Variants in TMED3 observed in about 807,000 individuals in gnomAD.
TMED3 encodes the protein transmembrane p24 trafficking protein 3, also known as transmembrane emp24 domain-containing protein 3.
In TMED3, 9 loss-of-function variants were observed where a neutral mutation model predicts 15.0. The ratio of observed to expected loss-of-function variants is 0.60; its 90% CI spans 0.36 to 1.04. The LOEUF (loss-of-function observed/expected upper bound fraction) is 1.04. TMED3 is among the 50% of genes least tolerant of loss of function. The probability of loss-of-function intolerance (pLI) is 0.01; values close to 1 mark genes in which losing one functional copy is unlikely to be tolerated. For synonymous variants in TMED3, 117 were observed against 121.4 expected, an observed-to-expected ratio of 0.96 and a Z score of 0.24; for missense variants, 267 against 278.9, an observed-to-expected ratio of 0.96 and a Z score of 0.30.
Position 79,313,966 on chromosome 15 carries a change from T to G in TMED3, c.378T>G (p.Ile126Met). 1 of 1,614,114 alleles carries G rather than the reference T, an allele frequency of 6.2e-7. No individual in the cohort carries two copies. The highest frequency in any genetic ancestry group is 8.5e-7 in the Non-Finnish European group (1 of 1,179,996). Residue 126 changes from isoleucine to methionine, a missense_variant, in exon 2 of 3, where the codon ATT becomes ATG. This residue lies in a region of TMED3 where 139 missense variants were observed against 125.0 expected (regional missense o/e 1.11). Coordinates refer to ENST00000299705, the MANE Select transcript of TMED3 (RefSeq NM_007364.4). ...FDFQVGDEPP[I>M]LPDMGNRVTA... The stretch of plus-strand genomic sequence containing the variant: ...TTCAAGTGGGCGATGAGCCTCCCAT[T>G]CTCCCAGACATGGGGAACAGGGTCA...
intron 2 of TMED3, among the ~76,000 whole-genome samples, chr15:79,332,400 A>C (rs548019787): frequency 6.6e-6 from 1 of 152,360 alleles, no homozygotes; most frequent in East Asian, 1.9e-4. Flanking sequence ...GCCAATGCGA[A>C]ACTCTTCAGC....
At chr15:79,383,094 T>G in intron 2 of TMED3, 1 of 1,458,924 alleles carries the variant, frequency 6.9e-7, no homozygotes, top group Non-Finnish European at 9.3e-7. Flanking sequence ...GCTCTTTGCC[T>G]GTAGATCGCC....
chr15:79,376,691 C>T (rs1472830201), intron 2 of TMED3, among the ~76,000 whole-genome samples: 1 of 152,196 alleles, frequency 6.6e-6, no homozygotes, highest in Non-Finnish European at 1.5e-5. Flanking sequence ...TTGGCAGTCT[C>T]ACTGAATTGT....
intron 2 of TMED3, among the ~76,000 whole-genome samples, chr15:79,350,211 T>G (rs2058886622): frequency 6.6e-6 from 1 of 152,138 alleles, no homozygotes; most frequent in Admixed American, 6.5e-5. Flanking sequence ...GCTGGACGGT[T>G]AGATGGATTA....
intron 2 of TMED3, among the ~76,000 whole-genome samples, chr15:79,336,712 A>G (rs2058828363): frequency 7.9e-6 from 1 of 127,254 alleles, no homozygotes; most frequent in Admixed American, 7.9e-5. Flanking sequence ...CAAACAAACA[A>G]ACACAAAAAA....
chr15:79,369,303 A>G (rs1185331801), intron 2 of TMED3, among the ~76,000 whole-genome samples: 3 of 151,926 alleles, frequency 2.0e-5, no homozygotes, highest in Non-Finnish European at 4.4e-5. Context: ...CATGCCTGCT[A>G]CTCTCTCCTA....
intron 2 of TMED3, among the ~76,000 whole-genome samples, chr15:79,343,140 G>T (rs2058857402): frequency 6.6e-6 from 1 of 152,118 alleles, no homozygotes; most frequent in Non-Finnish European, 1.5e-5. Flanking sequence ...GGGTATAGTG[G>T]TTAAAAAGTG....
intron 2 of TMED3, among the ~76,000 whole-genome samples, chr15:79,367,341 A>C (rs1401804402): frequency 6.6e-6 from 1 of 152,204 alleles, no homozygotes; most frequent in Middle Eastern, 3.2e-3. Flanking sequence ...AGGACCAGCG[A>C]TCCACACTGG....
intron 2 of TMED3, among the ~76,000 whole-genome samples, chr15:79,344,632 G>A (rs1421091598): frequency 6.6e-6 from 1 of 152,144 alleles, no homozygotes; most frequent in Non-Finnish European, 1.5e-5. Context: ...AATTACATCT[G>A]CAGAAAACCC....
chr15:79,313,696 G>C (rs1385385830), intron 1 of TMED3, 61 bp from the exon 2 acceptor site: 14 of 1,566,124 alleles, frequency 8.9e-6, no homozygotes, highest in Non-Finnish European at 1.0e-5. Flanking sequence ...ACAGTGTCTG[G>C]TTGGCATTTG....
chr15:79,363,113 A>T (rs1472279650), intron 2 of TMED3, among the ~76,000 whole-genome samples: 1 of 152,202 alleles, frequency 6.6e-6, no homozygotes, highest in Non-Finnish European at 1.5e-5. Context: ...GAAACAATGG[A>T]CTAGTGAATA....
intron 2 of TMED3, among the ~76,000 whole-genome samples, chr15:79,376,519 C>T (rs764668638): frequency 1.4e-4 from 21 of 152,090 alleles, no homozygotes; most frequent in African/African-American, 4.3e-4. Context: ...AGAGAATTTA[C>T]GGGGAAGTGT....
At chr15:79,403,208 G>A (rs937259477) in intron 2 of TMED3, among the ~76,000 whole-genome samples, 4 of 121,630 alleles carry the variant, frequency 3.3e-5, no homozygotes, top group African/African-American at 9.5e-5. Flanking sequence ...GGGTGACAGC[G>A]GGACTCTGTC....
At position 79,399,202 on chromosome 15, in the gene TMED3, C is replaced by A. The variant is rs1463741293; in HGVS notation, c.418-12198C>A. ...CTGGAATTACAGGCATGAGCCACCA[C>A]ACCCAGCAAAATCTTAATCTCATTC... On this transcript the variant is annotated intron_variant, in intron 2 of 2. Transcript: ENST00000424155. Among the ~76,000 whole-genome samples, 12 of 152,180 alleles carry A rather than the reference C, an allele frequency of 7.9e-5. No individual in the cohort carries two copies. The South Asian group carries it at 1.0e-3, about 13-fold the overall frequency.
chr15:79,311,551 G>C lies in TMED3; in HGVS notation c.168+134G>C. The stretch of plus-strand genomic sequence containing the variant: ...GAGGCTGCATGGGGTGGGAGTCCCC[G>C]GAGACCAGTTGACTTCCCCGTGAGG... On this transcript the variant is annotated intron_variant, in intron 1 of 2. Coordinates refer to ENST00000299705, the MANE Select transcript of TMED3 (RefSeq NM_007364.4). 6 of 1,119,228 alleles carry C rather than the reference G, an allele frequency of 5.4e-6. No homozygotes were observed. The South Asian group carries it at 1.0e-4, about 19-fold the overall frequency. The allele number at this position is 1,119,228 out of a possible 1,614,324, so 69.3% of individuals were successfully genotyped here. A position where few individuals can be genotyped will look rare whatever the true frequency, so the allele number is the denominator to read the frequency against.
chr15:79,344,891 C>T (rs1372505455), intron 2 of TMED3, among the ~76,000 whole-genome samples: 2 of 152,148 alleles, frequency 1.3e-5, no homozygotes, highest in Admixed American at 1.3e-4. Context: ...AACTTTAAAG[C>T]TTTGCTGTGT....
intron 2 of TMED3, among the ~76,000 whole-genome samples, chr15:79,365,362 C>T (rs1340428255): frequency 6.6e-6 from 1 of 152,128 alleles, no homozygotes; most frequent in African/African-American, 2.4e-5. Flanking sequence ...CCTCCAGGCC[C>T]CTCAGGAAGA....
At chr15:79,406,339 T>A (rs1321171258) in intron 2 of TMED3, among the ~76,000 whole-genome samples, 1 of 152,168 alleles carries the variant, frequency 6.6e-6, no homozygotes, top group Admixed American at 6.5e-5. Context: ...CTAGAAATAA[T>A]TATATACTTG....
At chr15:79,349,504 A>G (rs1417381174) in intron 2 of TMED3, among the ~76,000 whole-genome samples, 1 of 152,156 alleles carries the variant, frequency 6.6e-6, no homozygotes, top group East Asian at 1.9e-4. Context: ...TGTGTGTTAC[A>G]TTATGCAGTA....
Sources: gnomAD v4.1 joint callset for allele counts (sites outside exome capture counted in the v4.1 genomes callset) on GRCh38, gnomAD v4.1.1 for gene constraint, gnomAD v4.1.1 regional missense constraint, MANE v1.5 for transcripts, NCBI Gene and HGNC (gene_info 2026-07-23, HGNC 2026-07-21) for gene names.